EBF2: variants seen among roughly 807,000 people sequenced by gnomAD.
EBF2 encodes EBF transcription factor 2.
Under a neutral mutation model 72.8 loss-of-function variants are expected in EBF2, and 21 were observed. That is an observed-to-expected ratio of 0.29 (90% CI 0.20 to 0.42). The LOEUF (loss-of-function observed/expected upper bound fraction) is 0.42, where lower values mean the gene tolerates loss of function less well. Ranked by LOEUF, EBF2 falls within the 10% of genes least tolerant of loss-of-function variation. The probability of loss-of-function intolerance (pLI) is 1.00; values close to 1 mark genes in which losing one functional copy is unlikely to be tolerated. For missense variants in EBF2, 637 were observed against 731.2 expected (o/e 0.87, Z 1.49); for synonymous variants, 299 against 274.2 (o/e 1.09, Z -0.89).
intron 6 of EBF2, among the ~76,000 whole-genome samples, chr8:25,939,059 C>T (rs989594238): frequency 3.3e-5 from 5 of 152,120 alleles, no homozygotes; most frequent in Non-Finnish European, 7.4e-5. Flanking sequence ...CACTACTGTG[C>T]ATTTTTCTAT....
chr8:25,890,538 C>G (rs1007641225), intron 7 of EBF2, among the ~76,000 whole-genome samples: 1 of 152,152 alleles, frequency 6.6e-6, no homozygotes, highest in Non-Finnish European at 1.5e-5. Context: ...AGGCTTCTGT[C>G]CCCTAACTTG....
At chr8:25,901,853 T>C (rs1292548226) in intron 7 of EBF2, among the ~76,000 whole-genome samples, 2 of 152,234 alleles carry the variant, frequency 1.3e-5, no homozygotes, top group Non-Finnish European at 2.9e-5. Flanking sequence ...GTCACCTGAA[T>C]GTCACAGAGA....
intron 6 of EBF2, among the ~76,000 whole-genome samples, chr8:26,014,225 A>G (rs1805072613): frequency 6.6e-6 from 1 of 152,130 alleles, no homozygotes; most frequent in Non-Finnish European, 1.5e-5. Flanking sequence ...TTCACTCTGG[A>G]CACTCCACTT....
intron 5 of EBF2, among the ~76,000 whole-genome samples, chr8:26,039,685 C>G (rs1223020664): frequency 2.0e-5 from 3 of 152,172 alleles, no homozygotes; most frequent in South Asian, 2.1e-4. Context: ...ACAAGAGGCC[C>G]GGCGGGAACT....
intron 7 of EBF2, among the ~76,000 whole-genome samples, chr8:25,892,752 CAG>C (rs1245371727): frequency 6.6e-6 from 1 of 152,180 alleles, no homozygotes; most frequent in Non-Finnish European, 1.5e-5. Context: ...TCCAACCCAA[CAG>C]ATAATTCACT....
intron 6 of EBF2, among the ~76,000 whole-genome samples, chr8:25,983,133 G>A (rs1469021638): frequency 1.3e-5 from 2 of 151,986 alleles, no homozygotes; most frequent in African/African-American, 2.4e-5. Flanking sequence ...AGTTAAAGAC[G>A]GAACTCCCAT....
chr8:25,979,697 C>T (rs554272975), intron 6 of EBF2, among the ~76,000 whole-genome samples: 1 of 152,242 alleles, frequency 6.6e-6, no homozygotes, highest in Admixed American at 6.5e-5. Flanking sequence ...GGTACAGCCT[C>T]CCCTTGCAGC....
chr8:26,033,228 C>T lies in EBF2; in HGVS notation c.483-75G>A, dbSNP rs1460264831. The stretch of plus-strand genomic sequence containing the variant: ...AAATGCAATGAGCACATGACAAGAA[C>T]ATTTTTTCCCCCCAGACAGAGTCTG... On this transcript the variant is annotated intron_variant, in intron 5 of 15. Coordinates refer to ENST00000520164, the MANE Select transcript of EBF2 (RefSeq NM_022659.4). The T allele has an allele frequency of 4.2e-6, 6 of 1,434,758 alleles. No homozygotes were observed. The African/African-American group carries it at 5.6e-5, about 13-fold the overall frequency. The allele number at this position is 1,434,758 out of a possible 1,614,324, so 88.9% of individuals were successfully genotyped here.
At chr8:25,926,127 C>A (rs544639966) in intron 6 of EBF2, among the ~76,000 whole-genome samples, 4 of 152,064 alleles carry the variant, frequency 2.6e-5, no homozygotes, top group Admixed American at 6.6e-5. Flanking sequence ...GTCCTTCTAC[C>A]GGGAAGCAAG....
chr8:25,929,295 C>T (rs914745854), intron 6 of EBF2, among the ~76,000 whole-genome samples: 2 of 152,188 alleles, frequency 1.3e-5, no homozygotes, highest in African/African-American at 4.8e-5. Context: ...AACAGGGCAT[C>T]CTGGCTCCAC....
intron 6 of EBF2, among the ~76,000 whole-genome samples, chr8:25,957,970 G>T (rs560876108): frequency 1.3e-5 from 2 of 152,322 alleles, no homozygotes; most frequent in African/African-American, 4.8e-5. Flanking sequence ...AGTGAGGAAG[G>T]CAGGCAGAAC....
chr8:26,017,654 C>T (rs955542284), intron 6 of EBF2, among the ~76,000 whole-genome samples: 1 of 152,288 alleles, frequency 6.6e-6, no homozygotes, highest in Non-Finnish European at 1.5e-5. Flanking sequence ...TCTCCTGTGC[C>T]AAAGGATGCT....
intron 7 of EBF2, among the ~76,000 whole-genome samples, chr8:25,902,920 A>T (rs1221427555): frequency 6.6e-6 from 1 of 152,358 alleles, no homozygotes; most frequent in Non-Finnish European, 1.5e-5. Flanking sequence ...TGTGGTGAGC[A>T]GCAGGCAGAT....
Position 26,041,006 on chromosome 8 carries a change from A to C in EBF2, c.289-4T>G. On this transcript the variant is annotated splice_region_variant and splice_polypyrimidine_tract_variant and intron_variant, in intron 2 of 15. Coordinates refer to ENST00000520164, the MANE Select transcript of EBF2 (RefSeq NM_022659.4). ...TGGTCTTCTCGTTGCCTTGTTCCTG[A>C]AAAGACAGGCAGCGTTCGATTCCCT... The C allele has an allele frequency of 5.0e-6, 8 of 1,614,070 alleles. No homozygotes were observed. Among genetic ancestry groups the C allele is most frequent in the Non-Finnish European group, 6.8e-6 (8 of 1,179,996 alleles).
At chr8:25,954,810 C>G (rs1304423877) in intron 6 of EBF2, among the ~76,000 whole-genome samples, 1 of 152,178 alleles carries the variant, frequency 6.6e-6, no homozygotes, top group Non-Finnish European at 1.5e-5. Flanking sequence ...GCTGCTATGG[C>G]ACCCCGCAGT....
intron 7 of EBF2, among the ~76,000 whole-genome samples, chr8:25,894,206 A>T (rs1802830135): frequency 6.6e-6 from 1 of 152,204 alleles, no homozygotes. Flanking sequence ...TTAAATACTG[A>T]CTTTTACATA....
intron 6 of EBF2, among the ~76,000 whole-genome samples, chr8:25,944,348 G>C (rs182913500): frequency 6.6e-6 from 1 of 151,952 alleles, no homozygotes; most frequent in African/African-American, 2.4e-5. Flanking sequence ...CCCTTCAGAC[G>C]GCCATTGTCT....
chr8:25,850,629 G>C lies in EBF2; in HGVS notation c.1661C>G (p.Pro554Arg). Residue 554 changes from proline to arginine, a missense_variant, in exon 15 of 16, where the codon CCT becomes CGT. Coordinates refer to ENST00000520164, the MANE Select transcript of EBF2 (RefSeq NM_022659.4). ...ATTTCCATTGCCGCTGGAGCAGGCA[G>C]GTGAAGGGGAGCCTTGGGGCCTGAT... ...PVIRPQGSPS[P>R]ACSSGNGNGF... 1.3e-6 allele frequency: 2 copies of C among 1,566,382 alleles called. No individual in the cohort carries two copies. The highest frequency in any genetic ancestry group is 1.7e-6 in the Non-Finnish European group (2 of 1,164,194).
At chr8:25,898,298 A>AT (rs1349024214) in intron 7 of EBF2, among the ~76,000 whole-genome samples, 2 of 152,160 alleles carry the variant, frequency 1.3e-5, no homozygotes, top group African/African-American at 4.8e-5. Flanking sequence ...TACTGAGATG[A>AT]TTATTCTGGC....
Sources: allele counts gnomAD v4.1 joint callset (sites outside exome capture counted in the v4.1 genomes callset), GRCh38; gene constraint gnomAD v4.1.1; transcripts MANE v1.5; gene names NCBI Gene and HGNC (gene_info 2026-07-23, HGNC 2026-07-21).